Variants in SNX14 observed in about 807,000 individuals in gnomAD.
SNX14 encodes sorting nexin-14.
SNX14 carries 93 observed loss-of-function variants against 133.8 expected under a neutral mutation model. The observed-to-expected ratio is 0.70, with a 90% CI of 0.59 to 0.83. SNX14 has a LOEUF of 0.83. SNX14 is among the 40% of genes least tolerant of loss of function. The pLI, the probability that SNX14 is intolerant of heterozygous loss-of-function variation, is 0.00. For missense variants in SNX14, 945 were observed against 1,094.9 expected, an observed-to-expected ratio of 0.86 and a Z score of 1.93; for synonymous variants, 368 against 365.6, an observed-to-expected ratio of 1.01 and a Z score of -0.07.
chr6:85,588,959 T>C (rs904103259), intron 1 of SNX14: 20 of 453,912 alleles, frequency 4.4e-5, no homozygotes, highest in East Asian at 2.1e-4. Context: ...GTCTGAGGAA[T>C]TGCAGGGGTG....
At chr6:85,575,696 C>A (rs186081146) in intron 1 of SNX14, among the ~76,000 whole-genome samples, 1 of 152,212 alleles carries the variant, frequency 6.6e-6, no homozygotes, top group Non-Finnish European at 1.5e-5. Flanking sequence ...AGATTCTATG[C>A]AGCCAGACAA....
Position 85,572,186 on chromosome 6 carries a change from G to A in SNX14, c.368C>T (p.Pro123Leu), listed in dbSNP as rs749978805. ...RPSLLLENYQPWLDLKISSKV... is the reference protein window; with the variant it reads ...RPSLLLENYQLWLDLKISSKV... ...GGAAGAAATTTTCAGGTCTAGCCAT[G>A]GCTGGTAGTTTTCAAGTAGCAAAGA... Residue 123 changes from proline (P) to leucine (L), a missense_variant, in exon 4 of 29, where the codon CCA becomes CTA. Physicochemically the swap from Pro to Leu is moderately conservative, Grantham distance 98. Around this residue, in one of 3 missense-constraint regions of SNX14, gnomAD observed 514 missense variants for 538.8 expected, o/e 0.95. Transcript: ENST00000314673. The A allele has an allele frequency of 1.9e-6, 3 of 1,613,842 alleles. No homozygotes were observed. The highest frequency in any genetic ancestry group is 1.7e-6 in the Non-Finnish European group (2 of 1,179,918).
intron 1 of SNX14, among the ~76,000 whole-genome samples, chr6:85,575,248 CCAT>C (rs1796936600): frequency 1.3e-5 from 2 of 152,190 alleles, no homozygotes; most frequent in South Asian, 4.1e-4. Context: ...ATTTCAGATA[CCAT>C]GATTGTGCTA....
intron 1 of SNX14, among the ~76,000 whole-genome samples, chr6:85,579,239 A>T (rs1798301301): frequency 6.6e-6 from 1 of 152,220 alleles, no homozygotes; most frequent in African/African-American, 2.4e-5. Flanking sequence ...GACAAGAGCC[A>T]GGTGCCGGGC....
At chr6:85,515,156 A>G (rs1174006414) in intron 23 of SNX14, among the ~76,000 whole-genome samples, 2 of 150,558 alleles carry the variant, frequency 1.3e-5, no homozygotes, top group Non-Finnish European at 2.9e-5. Context: ...AGTCCCAGCT[A>G]CTTGGGAGAC....
Position 85,560,428 on chromosome 6 carries a change from T to C in SNX14, c.550-2368A>G, listed in dbSNP as rs886184548. On this transcript the variant is annotated intron_variant, in intron 6 of 28. Coordinates refer to ENST00000314673, the MANE Select transcript of SNX14 (RefSeq NM_153816.6). Reference sequence around the variant, plus strand: ...TTCCATGTATATGAAATGTTCAGAATAGACATCCAAATCCATAGATATACA... The same window carrying C: ...TTCCATGTATATGAAATGTTCAGAACAGACATCCAAATCCATAGATATACA... 4.6e-5 allele frequency among the ~76,000 whole-genome samples: 7 copies of C among 152,304 alleles called. No individual in the cohort carries two copies. In the South Asian group the frequency reaches 1.0e-3, roughly 23 times the overall value.
chr6:85,515,292 A>G lies in SNX14; in HGVS notation c.2269-663T>C, dbSNP rs535026075. ...AAAAAAAAAAAAAAAAAAAAACACTAACATGATTTAAAGATTATAAATCAC... is the reference window on the plus strand; with the variant it reads ...AAAAAAAAAAAAAAAAAAAAACACTGACATGATTTAAAGATTATAAATCAC... On this transcript the variant is annotated intron_variant, in intron 23 of 28. Coordinates refer to ENST00000314673, the MANE Select transcript of SNX14 (RefSeq NM_153816.6). 6.1e-5 allele frequency among the ~76,000 whole-genome samples: 9 copies of G among 147,114 alleles called. No homozygotes were observed. The East Asian group carries it at 1.2e-3, about 20-fold the overall frequency.
chr6:85,573,571 C>T (rs1796350403), intron 2 of SNX14, among the ~76,000 whole-genome samples: 1 of 152,202 alleles, frequency 6.6e-6, no homozygotes, highest in African/African-American at 2.4e-5. Flanking sequence ...CACCACATTA[C>T]CACCCTTCAT....
chr6:85,578,618 A>G (rs1798053004), intron 1 of SNX14, among the ~76,000 whole-genome samples: 1 of 152,218 alleles, frequency 6.6e-6, no homozygotes, highest in East Asian at 1.9e-4. Flanking sequence ...GGATGGAGTT[A>G]AAGATACTAG....
chr6:85,526,035 A>G (rs1778378899), intron 21 of SNX14, 91 bp downstream of exon 21: 1 of 767,934 alleles, frequency 1.3e-6, no homozygotes, highest in Non-Finnish European at 2.0e-6. Flanking sequence ...GGAGTTTACC[A>G]TAGGCTATAC....
Position 85,533,726 on chromosome 6 carries a change from G to T in SNX14, c.1683C>A (p.Asn561Lys). ...EAVSTPNTPR[N>K]LAAWKISIPY... ...GAATGCTAATTTTCCATGCAGCAAG[G>T]TTTCGGGGAGTATTAGGTGTGCTCA... The change falls in exon 18 of 29, where the codon AAC becomes AAA. Residue 561 changes from asparagine (N) to lysine (K), a missense_variant. Physicochemically the swap from Asn to Lys is moderately conservative, Grantham distance 94. Transcript: ENST00000314673. 6.2e-7 allele frequency: 1 copy of T among 1,613,894 alleles called. No homozygotes were observed. The highest frequency in any genetic ancestry group is 8.5e-7 in the Non-Finnish European group (1 of 1,180,002).
chr6:85,565,837 T>C (rs1793649420), intron 5 of SNX14, among the ~76,000 whole-genome samples: 1 of 152,196 alleles, frequency 6.6e-6, no homozygotes, highest in Non-Finnish European at 1.5e-5. Flanking sequence ...AACAAAAAAA[T>C]GTGTGCTCTA....
intron 26 of SNX14, among the ~76,000 whole-genome samples, chr6:85,511,493 G>A (rs1399334639): frequency 2.6e-5 from 4 of 152,114 alleles, no homozygotes; most frequent in Non-Finnish European, 5.9e-5. Context: ...CATCTTAGTG[G>A]GATAGCTTTT....
At chr6:85,581,143 G>C (rs1276067735) in intron 1 of SNX14, 1 of 152,354 alleles carries the variant, frequency 6.6e-6, no homozygotes, top group Admixed American at 6.5e-5. Flanking sequence ...TCAGCACAGA[G>C]AGAGACTCCA....
At chr6:85,517,459 C>A (rs1207919939) in intron 23 of SNX14, 1 of 200,516 alleles carries the variant, frequency 5.0e-6, no homozygotes, top group Non-Finnish European at 9.9e-6. Context: ...CAATTAATTT[C>A]TTATTATTGA....
At chr6:85,545,599 T>G (rs929618280) in intron 12 of SNX14, among the ~76,000 whole-genome samples, 4 of 152,226 alleles carry the variant, frequency 2.6e-5, no homozygotes, top group African/African-American at 9.6e-5. Context: ...ATAACAATCT[T>G]AAATGTGTCT....
At chr6:85,522,018 T>C (rs1330754251) in intron 21 of SNX14, among the ~76,000 whole-genome samples, 1 of 152,246 alleles carries the variant, frequency 6.6e-6, no homozygotes, top group African/African-American at 2.4e-5. Context: ...CCCATGTAGG[T>C]TCTTGACACC....
At chr6:85,506,644 C>T (rs1426545751) in intron 28 of SNX14, among the ~76,000 whole-genome samples, 2 of 152,122 alleles carry the variant, frequency 1.3e-5, no homozygotes, top group African/African-American at 4.8e-5. Context: ...AAGTAAATAG[C>T]CCAAATCTGG....
chr6:85,586,487 G>A (rs1800899983), intron 1 of SNX14, among the ~76,000 whole-genome samples: 1 of 151,904 alleles, frequency 6.6e-6, no homozygotes, highest in Non-Finnish European at 1.5e-5. Flanking sequence ...TACCCAATAG[G>A]GAAAATTTTT....
Sources: allele counts gnomAD v4.1 joint callset (sites outside exome capture counted in the v4.1 genomes callset), GRCh38; gene constraint gnomAD v4.1.1; regional missense constraint gnomAD v4.1.1; transcripts MANE v1.5; gene names NCBI Gene and HGNC (gene_info 2026-07-23, HGNC 2026-07-21).